The following FIGN variants were observed in gnomAD, a reference collection of about 807,000 sequenced individuals.
The protein encoded by FIGN is fidgetin.
Under a neutral mutation model 51.3 loss-of-function variants are expected in FIGN, and 11 were observed. The observed-to-expected ratio is 0.21, with a 90% CI of 0.13 to 0.35. FIGN has a LOEUF of 0.35. Among genes scored for constraint, FIGN ranks in the 10% least tolerant of loss-of-function variants. The pLI is 1.00. For missense variants in FIGN, 857 were observed against 943.6 expected (o/e 0.91, Z 1.20); for synonymous variants, 407 against 363.2 (o/e 1.12, Z -1.37).
intron 2 of FIGN, among the ~76,000 whole-genome samples, chr2:163,734,398 A>T (rs1252402964): frequency 6.6e-6 from 1 of 151,884 alleles, no homozygotes; most frequent in Admixed American, 6.6e-5. Context: ...AAGTGCAAAC[A>T]TCAAGAGCAG....
At chr2:163,675,671 T>C (rs1268194376) in intron 2 of FIGN, among the ~76,000 whole-genome samples, 2 of 150,686 alleles carry the variant, frequency 1.3e-5, no homozygotes, top group Non-Finnish European at 3.0e-5. Flanking sequence ...ACTTGCCAAG[T>C]CCCTTTACTT....
chr2:163,704,656 T>TCTCA (rs72286438), intron 2 of FIGN, among the ~76,000 whole-genome samples: 4 of 129,790 alleles, frequency 3.1e-5, no homozygotes, highest in South Asian at 2.5e-4. Flanking sequence ...TCTCTCTCTC[T>TCTCA]CACACACACA....
At chr2:163,621,544 T>C (rs1419544155) in intron 2 of FIGN, among the ~76,000 whole-genome samples, 1 of 152,126 alleles carries the variant, frequency 6.6e-6, no homozygotes, top group African/African-American at 2.4e-5. Flanking sequence ...GATAAACTGA[T>C]TTAGAATACA....
At chr2:163,729,637 A>G (rs1384159748) in intron 2 of FIGN, among the ~76,000 whole-genome samples, 1 of 152,190 alleles carries the variant, frequency 6.6e-6, no homozygotes, top group African/African-American at 2.4e-5. Flanking sequence ...TAGGGTAAAA[A>G]ACGTTTAACC....
chr2:163,715,290 A>T (rs1684651169), intron 2 of FIGN, among the ~76,000 whole-genome samples: 1 of 152,200 alleles, frequency 6.6e-6, no homozygotes, highest in Admixed American at 6.5e-5. Flanking sequence ...TGGAGTCATT[A>T]GCTAGAGTCC....
chr2:163,711,657 C>CAAAA (rs35141137), intron 2 of FIGN, among the ~76,000 whole-genome samples: 1 of 133,412 alleles, frequency 7.5e-6, no homozygotes, highest in Non-Finnish European at 1.6e-5. Flanking sequence ...ATTGTTTCTA[C>CAAAA]AAAAAAAAAA....
At chr2:163,692,883 G>C (rs111269396) in intron 2 of FIGN, among the ~76,000 whole-genome samples, 3 of 152,168 alleles carry the variant, frequency 2.0e-5, no homozygotes, top group Non-Finnish European at 4.4e-5. Context: ...AAGAATCTGC[G>C]AAGAAAAAGT....
At chr2:163,725,970 T>C (rs2105366069) in intron 2 of FIGN, among the ~76,000 whole-genome samples, 1 of 152,252 alleles carries the variant, frequency 6.6e-6, no homozygotes, top group East Asian at 1.9e-4. Context: ...AATAAAATTC[T>C]ACTATCTTAC....
chr2:163,698,015 T>G (rs1396750410), intron 2 of FIGN, among the ~76,000 whole-genome samples: 3 of 152,142 alleles, frequency 2.0e-5, no homozygotes, highest in Non-Finnish European at 4.4e-5. Flanking sequence ...CTGCTCACAG[T>G]GCACCACCGC....
intron 2 of FIGN, among the ~76,000 whole-genome samples, chr2:163,718,845 G>GAC (rs1367866855): frequency 6.6e-6 from 1 of 151,260 alleles, no homozygotes; most frequent in Non-Finnish European, 1.5e-5. Flanking sequence ...GAGAGTGAGA[G>GAC]AGAGAGAGAG....
In FIGN at chr2:163,700,160, T is replaced by C. The variant is rs375434106; in HGVS notation, c.25+34743A>G. Among the ~76,000 whole-genome samples, 9 of 152,300 alleles carry C rather than the reference T, an allele frequency of 5.9e-5. No homozygotes were observed. The East Asian group carries it at 7.7e-4, about 13-fold the overall frequency. On this transcript the variant is annotated intron_variant, in intron 2 of 2. Coordinates refer to ENST00000333129, the MANE Select transcript of FIGN (RefSeq NM_018086.4). ...TGCACCAGTTATGCACCTAGTAAACTATTGACATTGTGATTAGTTATAACG... is the reference window on the plus strand; with the variant it reads ...TGCACCAGTTATGCACCTAGTAAACCATTGACATTGTGATTAGTTATAACG...
intron 2 of FIGN, among the ~76,000 whole-genome samples, chr2:163,664,933 C>T (rs1313284779): frequency 6.6e-6 from 1 of 152,224 alleles, no homozygotes; most frequent in Non-Finnish European, 1.5e-5. Flanking sequence ...AACAACTCCC[C>T]AATCTAAGCT....
intron 2 of FIGN, among the ~76,000 whole-genome samples, chr2:163,718,859 G>A (rs935797991): frequency 2.0e-5 from 3 of 151,694 alleles, no homozygotes; most frequent in Admixed American, 6.6e-5. Flanking sequence ...GAGAGAGAGA[G>A]AGACATATTA....
At chr2:163,716,818 C>A (rs1334173465) in intron 2 of FIGN, among the ~76,000 whole-genome samples, 1 of 152,062 alleles carries the variant, frequency 6.6e-6, no homozygotes, top group Non-Finnish European at 1.5e-5. Context: ...GCATTTATTT[C>A]TCTCTGGAAT....
intron 2 of FIGN, among the ~76,000 whole-genome samples, chr2:163,647,145 C>T (rs1242958995): frequency 6.6e-6 from 1 of 152,148 alleles, no homozygotes; most frequent in East Asian, 1.9e-4. Context: ...ATTCAATATA[C>T]CAAAGAGATT....
At position 163,628,923 on chromosome 2, in the gene FIGN, T is replaced by A. The variant is rs114862705; in HGVS notation, c.26-17117A>T. 8.5e-3 allele frequency among the ~76,000 whole-genome samples: 1,301 copies of A among 152,266 alleles called. 22 individuals carry two copies. Among genetic ancestry groups the A allele is most frequent in the African/African-American group, 0.03 (1,240 of 41,556 alleles). On this transcript the variant is annotated intron_variant, in intron 2 of 2. Transcript: ENST00000333129. The stretch of plus-strand genomic sequence containing the variant: ...TCTTAAGGCCAGCCCAGAGCTAAAG[T>A]TGCAACCTGGAACATGTGCCCCCAA...
At chr2:163,672,203 A>C (rs1050590004) in intron 2 of FIGN, among the ~76,000 whole-genome samples, 2 of 151,982 alleles carry the variant, frequency 1.3e-5, no homozygotes, top group African/African-American at 4.8e-5. Context: ...CACAATGTAG[A>C]ATTAGAAAAC....
In FIGN at chr2:163,610,079, T is replaced by C. The variant is rs371210704; in HGVS notation, c.1753A>G (p.Ser585Gly). The C allele has an allele frequency of 5.6e-6, 9 of 1,613,734 alleles. No individual in the cohort carries two copies. The African/African-American group carries it at 8.0e-5, about 14-fold the overall frequency. Residue 585 changes from serine (S) to glycine (G), a missense_variant, in exon 3 of 3, where the codon AGT becomes GGT. Ser to Gly is a moderately conservative substitution (Grantham distance 56, BLOSUM62 0). This residue lies in a region of FIGN where 799 missense variants were observed against 849.5 expected (regional missense o/e 0.94). Transcript: ENST00000333129. The part of the protein sequence containing the change: ...RCRQPSVIFV[S>G]DIDMLLSSQV... ...GAGGAGAGAAGCATGTCAATGTCAC[T>C]AACAAAAATCACCGAGGGCTGGCGA...
At chr2:163,686,181 A>G (rs370699513) in intron 2 of FIGN, among the ~76,000 whole-genome samples, 73 of 152,322 alleles carry the variant, frequency 4.8e-4, no homozygotes, top group African/African-American at 1.7e-3. Context: ...ATAGATTGCT[A>G]CAATTAGAAA....
Sources: gnomAD v4.1 joint callset for allele counts (sites outside exome capture counted in the v4.1 genomes callset) on GRCh38, gnomAD v4.1.1 for gene constraint, gnomAD v4.1.1 regional missense constraint, MANE v1.5 for transcripts, NCBI Gene and HGNC (gene_info 2026-07-23, HGNC 2026-07-21) for gene names.